Variants in MYL3 observed in about 807,000 individuals in gnomAD.
The protein encoded by MYL3 is myosin light chain 3, also known as CMLC1.
A neutral mutation model predicts 21.3 loss-of-function variants in MYL3; 11 were observed. The observed-to-expected ratio is 0.52, with a 90% CI of 0.32 to 0.85. The LOEUF is 0.85. Ranked by LOEUF, MYL3 falls within the 40% of genes least tolerant of loss-of-function variation. MYL3 has a pLI of 0.03. For missense variants in MYL3, 206 were observed against 253.3 expected, an observed-to-expected ratio of 0.81 and a Z score of 1.27; for synonymous variants, 88 against 91.6, an observed-to-expected ratio of 0.96 and a Z score of 0.22.
chr3:46,878,597 G>A (rs1054593302), intron 1 of MYL3, among the ~76,000 whole-genome samples: 1 of 152,216 alleles, frequency 6.6e-6, no homozygotes, highest in Non-Finnish European at 1.5e-5. Flanking sequence ...TAGTCCCAGA[G>A]AACCCCTGGT....
chr3:46,877,056 G>T (rs1284899697), intron 1 of MYL3, among the ~76,000 whole-genome samples: 2 of 152,134 alleles, frequency 1.3e-5, no homozygotes, highest in African/African-American at 4.8e-5. Context: ...CAGACCCTGG[G>T]CCTGGAAGGG....
chr3:46,859,541 C>G lies in MYL3; in HGVS notation c.415G>C (p.Val139Leu). 6.2e-7 allele frequency: 1 copy of G among 1,614,212 alleles called. No individual in the cohort carries two copies. Among genetic ancestry groups the G allele is most frequent in the Non-Finnish European group, 8.5e-7 (1 of 1,180,034 alleles). Residue 139 changes from valine (V) to leucine (L), a missense_variant, in exon 4 of 7, where the codon GTC (valine) becomes CTC (leucine). Transcript: ENST00000292327. The surrounding 1 kb of genome is among the most constrained non-coding windows in gnomAD (Gnocchi z 4.1). Reference protein sequence around the residue: ...TYEDFVEGLRVFDKEGNGTVM... With the variant: ...TYEDFVEGLRLFDKEGNGTVM... Reference sequence around the variant, plus strand: ...GTGCCATTGCCCTCCTTGTCGAAGACCCGCAGCCCCTCCACGAAGTCCTCA... The same window carrying G: ...GTGCCATTGCCCTCCTTGTCGAAGAGCCGCAGCCCCTCCACGAAGTCCTCA...
At chr3:46,880,338 T>TG (rs1361835967) in intron 1 of MYL3, 1 of 152,244 alleles carries the variant, frequency 6.6e-6, no homozygotes, top group African/African-American at 2.4e-5. Flanking sequence ...AGACAGTTCC[T>TG]GTTAGGGAGA....
At chr3:46,867,449 C>T (rs527377506), upstream of MYL3, among the ~76,000 whole-genome samples, 2 of 152,346 alleles carry the variant, frequency 1.3e-5, no homozygotes, top group South Asian at 2.1e-4. Flanking sequence ...TCCCTGGTAG[C>T]GTTCAGAAGG....
At chr3:46,873,968 C>T (rs2030051710) in intron 1 of MYL3, among the ~76,000 whole-genome samples, 1 of 152,158 alleles carries the variant, frequency 6.6e-6, no homozygotes, top group Non-Finnish European at 1.5e-5. Flanking sequence ...TCCCGTTAAG[C>T]CCAGAACCTC....
upstream of MYL3, among the ~76,000 whole-genome samples, chr3:46,866,073 G>C (rs960823744): frequency 6.6e-5 from 10 of 151,078 alleles, no homozygotes; most frequent in African/African-American, 2.4e-4. Flanking sequence ...GCAAGGCATG[G>C]GGTGAACAGG....
rs78215533 is a variant in MYL3, at chr3:46,873,453, T to C, written c.-217-6853A>G. Among the ~76,000 whole-genome samples the C allele has an allele frequency of 8.0e-3, 1,215 of 152,326 alleles. 6 individuals carry two copies. Among genetic ancestry groups the C allele is most frequent in the South Asian group, 0.025 (122 of 4,828 alleles). ...AACACATTGTTCCTCCTCCTCCTCT[T>C]CTTCCTCCTCCTCTGTTTGCGAGGT... On this transcript the variant is annotated intron_variant, in intron 1 of 3. Coordinates refer to the MYL3 transcript ENST00000431168.
intron 1 of MYL3, among the ~76,000 whole-genome samples, chr3:46,881,707 G>A (rs2030578778): frequency 6.6e-6 from 1 of 151,912 alleles, no homozygotes; most frequent in South Asian, 2.1e-4. Flanking sequence ...GAGGGCAGGG[G>A]ACGAGGCGAG....
At position 46,882,009 on chromosome 3, in the gene MYL3, G is replaced by T. The variant is rs1295205940; in HGVS notation, c.-218+65C>A. ...CAGAAGAGAATGAAGCGGCGGCGGC[G>T]TCCCGGGTTCCCTGCTCGGGTCTCG... On this transcript the variant is annotated intron_variant, in intron 1 of 3. Transcript: ENST00000431168. The surrounding 1 kb of genome is among the most constrained non-coding windows in gnomAD (Gnocchi z 4.3). 1.3e-5 allele frequency: 2 copies of T among 152,018 alleles called. No homozygotes were observed. The highest frequency in any genetic ancestry group is 2.9e-5 in the Non-Finnish European group (2 of 68,058). 9.4% of individuals were successfully genotyped at this position (152,018 alleles called of 1,614,324 possible). A position where few individuals can be genotyped will look rare whatever the true frequency, so the allele number is the denominator to read the frequency against.
Position 46,874,090 on chromosome 3 carries a change from C to T in MYL3, c.-217-7490G>A. ...GGCCTGGAGACTTGCTCTGGATGAG[C>T]GGGGTGACCTCTGGCATGCCATTGC... On this transcript the variant is annotated intron_variant, in intron 1 of 3. Transcript: ENST00000431168. The surrounding 1 kb of genome is among the most constrained non-coding windows in gnomAD (Gnocchi z 4.1). Among the ~76,000 whole-genome samples the T allele has an allele frequency of 6.6e-6, 1 of 152,216 alleles. No homozygotes were observed. The highest frequency in any genetic ancestry group is 1.9e-4 in the East Asian group (1 of 5,196).
chr3:46,878,175 G>T (rs1264809898), intron 1 of MYL3, among the ~76,000 whole-genome samples: 1 of 152,236 alleles, frequency 6.6e-6, no homozygotes, highest in African/African-American at 2.4e-5. Context: ...TGCTTCTGCT[G>T]CAAGGGAAGG....
intron 1 of MYL3, among the ~76,000 whole-genome samples, chr3:46,875,988 G>C (rs1171311557): frequency 6.6e-6 from 1 of 152,232 alleles, no homozygotes; most frequent in Admixed American, 6.5e-5. Context: ...TTGCCCCCCA[G>C]AGCCCTGGGC....
chr3:46,872,519 CA>C (rs983132027), intron 1 of MYL3, among the ~76,000 whole-genome samples: 14 of 152,106 alleles, frequency 9.2e-5, no homozygotes, highest in Admixed American at 9.2e-4. Flanking sequence ...ATACACCTCC[CA>C]GGGGCAGGAA....
At chr3:46,872,413 T>C (rs1254370824) in intron 1 of MYL3, among the ~76,000 whole-genome samples, 2 of 152,106 alleles carry the variant, frequency 1.3e-5, no homozygotes, top group Admixed American at 6.5e-5. Context: ...CTGTGGGGGA[T>C]TTAGCAGGGG....
chr3:46,876,379 G>A (rs1663123579), intron 1 of MYL3, among the ~76,000 whole-genome samples: 1 of 152,172 alleles, frequency 6.6e-6, no homozygotes, highest in South Asian at 2.1e-4. Flanking sequence ...CCCTCCTTTG[G>A]GCACAACTGC....
chr3:46,859,474 C>T lies in MYL3; in HGVS notation c.481+1G>A. On this transcript the variant is annotated splice_donor_variant, in intron 4 of 6. Coordinates refer to ENST00000292327, the MANE Select transcript of MYL3 (RefSeq NM_000258.3). LOFTEE classifies it high-confidence loss of function. The surrounding 1 kb of genome is among the most constrained non-coding windows in gnomAD (Gnocchi z 4.1). ...GGGGTAGGGGAGGAGGCTGCCCTCA[C>T]CCAGCGTGGCCAGCACGTGGCGAAG... The T allele has an allele frequency of 6.2e-7, 1 of 1,614,144 alleles. No individual in the cohort carries two copies. Among genetic ancestry groups the T allele is most frequent in the Non-Finnish European group, 8.5e-7 (1 of 1,180,022 alleles).
upstream of MYL3, among the ~76,000 whole-genome samples, chr3:46,867,989 C>T (rs1319598610): frequency 3.9e-5 from 6 of 152,190 alleles, no homozygotes. Flanking sequence ...GCAAGAGCTG[C>T]CCAGCAATTC....
At chr3:46,870,269 G>A (rs1261063425) in intron 1 of MYL3, among the ~76,000 whole-genome samples, 1 of 152,096 alleles carries the variant, frequency 6.6e-6, no homozygotes, top group African/African-American at 2.4e-5. Context: ...GTGGGCACCA[G>A]ACCAGGATGC....
intron 1 of MYL3, among the ~76,000 whole-genome samples, chr3:46,872,876 G>T (rs2029994074): frequency 6.6e-6 from 1 of 152,232 alleles, no homozygotes; most frequent in African/African-American, 2.4e-5. Context: ...GAAGGGATCT[G>T]TCTCTGATCC....
Sources: gnomAD v4.1 joint callset for allele counts (sites outside exome capture counted in the v4.1 genomes callset) on GRCh38, gnomAD v4.1.1 for gene constraint, Gnocchi (gnomAD v3.1) non-coding constraint, MANE v1.5 for transcripts, NCBI Gene and HGNC (gene_info 2026-07-23, HGNC 2026-07-21) for gene names.